Variants in AACS observed in about 807,000 individuals in gnomAD.
AACS encodes the protein acetoacetyl-CoA synthetase.
AACS carries 69 observed loss-of-function variants against 83.1 expected under a neutral mutation model. That is an observed-to-expected ratio of 0.83 (90% CI 0.68 to 1.01). The LOEUF (loss-of-function observed/expected upper bound fraction) is 1.01. Ranked by LOEUF, AACS falls within the 50% of genes least tolerant of loss-of-function variation. AACS has a pLI of 0.00. For synonymous variants in AACS, 333 were observed against 343.4 expected, an observed-to-expected ratio of 0.97 and a Z score of 0.33; for missense variants, 866 against 882.2, an observed-to-expected ratio of 0.98 and a Z score of 0.23.
intron 2 of AACS, among the ~76,000 whole-genome samples, chr12:125,074,659 A>T (rs1435801317): frequency 1.4e-5 from 2 of 140,640 alleles, no homozygotes; most frequent in Admixed American, 1.4e-4. Flanking sequence ...ACATTGTTGT[A>T]GTTTTTTTTT....
At chr12:125,071,045 TG>T (rs751498828) in intron 1 of AACS, among the ~76,000 whole-genome samples, 16 of 152,184 alleles carry the variant, frequency 1.1e-4, no homozygotes, top group Non-Finnish European at 1.5e-4. Flanking sequence ...AGTGGCTAGT[TG>T]GGTGGTTCTG....
At chr12:125,133,488 C>G (rs1253422030) in intron 14 of AACS, among the ~76,000 whole-genome samples, 1 of 152,226 alleles carries the variant, frequency 6.6e-6, no homozygotes, top group Non-Finnish European at 1.5e-5. Flanking sequence ...CTAATCGGCT[C>G]TCTGTCCATG....
Position 125,076,727 on chromosome 12 carries a change from T to C in AACS, c.358+116T>C, listed in dbSNP as rs1221292896. On this transcript the variant is annotated intron_variant, in intron 3 of 17. Transcript: ENST00000316519. Reference sequence around the variant, plus strand: ...TCTAAACCATATGTTGGCACCTTTCTGATGTAATTAAGATTTCTGTCGACT... The same window carrying C: ...TCTAAACCATATGTTGGCACCTTTCCGATGTAATTAAGATTTCTGTCGACT... The C allele has an allele frequency of 2.0e-6, 3 of 1,468,304 alleles. No individual in the cohort carries two copies. In the African/African-American group the frequency reaches 4.2e-5, roughly 21 times the overall value. The allele number at this position is 1,468,304 out of a possible 1,614,324, so 91.0% of individuals were successfully genotyped here.
chr12:125,100,008 CA>C (rs1956682585), intron 5 of AACS, among the ~76,000 whole-genome samples: 1 of 151,990 alleles, frequency 6.6e-6, no homozygotes, highest in Non-Finnish European at 1.5e-5. Context: ...CCAGATTTTT[CA>C]AGAAGCTTAC....
chr12:125,074,059 A>C (rs185070248), intron 2 of AACS, 80 bp downstream of exon 2: 7 of 1,174,496 alleles, frequency 6.0e-6, no homozygotes. Flanking sequence ...GGGAATACTG[A>C]ATTGTATCTC....
At chr12:125,121,141 A>G (rs1403044265) in intron 10 of AACS, 2 of 152,280 alleles carry the variant, frequency 1.3e-5, no homozygotes, top group African/African-American at 4.8e-5. Flanking sequence ...GGATGTGGCC[A>G]TCGCCCCGCC....
At chr12:125,073,566 A>G (rs568070962) in intron 1 of AACS, among the ~76,000 whole-genome samples, 10 of 152,306 alleles carry the variant, frequency 6.6e-5, no homozygotes, top group African/African-American at 2.2e-4. Flanking sequence ...CACAAAGCTA[A>G]TAAGTGGCAG....
At chr12:125,125,695 A>T (rs1167086124) in intron 12 of AACS, 3 of 152,316 alleles carry the variant, frequency 2.0e-5, no homozygotes, top group African/African-American at 7.2e-5. Flanking sequence ...TAAGTAAAAA[A>T]TAGACACTAC....
rs1331588216 is a variant in AACS, at chr12:125,129,348, G to T, written c.1437G>T (p.Trp479Cys). Reference sequence around the variant, plus strand: ...CTCCCATACCAGGAAAGGCGGTCTGGGGAGAGAGCGGCGAGCTGGTGTGTA... The same window carrying T: ...CTCCCATACCAGGAAAGGCGGTCTGTGGAGAGAGCGGCGAGCTGGTGTGTA... ...EAWNEEGKAV[W>C]GESGELVCTK... The change falls in exon 14 of 18, where the codon TGG becomes TGT. Residue 479 changes from tryptophan (W) to cysteine (C), a missense_variant. Coordinates refer to ENST00000316519, the MANE Select transcript of AACS (RefSeq NM_023928.5). The surrounding 1 kb of genome is among the most constrained non-coding windows in gnomAD (Gnocchi z 4.3). 6.2e-7 allele frequency: 1 copy of T among 1,613,420 alleles called. No individual in the cohort carries two copies. Among genetic ancestry groups the T allele is most frequent in the Non-Finnish European group, 8.5e-7 (1 of 1,179,834 alleles).
At chr12:125,104,843 T>G (rs1956797742) in intron 7 of AACS, among the ~76,000 whole-genome samples, 1 of 152,146 alleles carries the variant, frequency 6.6e-6, no homozygotes, top group Non-Finnish European at 1.5e-5. Context: ...TGAGACTGGG[T>G]AATTTATAAG....
In AACS at chr12:125,113,062, G is replaced by A. The variant is rs867961267; in HGVS notation, c.916-1415G>A. Among the ~76,000 whole-genome samples, 40 of 152,352 alleles carry A rather than the reference G, an allele frequency of 2.6e-4. No homozygotes were observed. The highest frequency in any genetic ancestry group is 1.0e-3 in the South Asian group (5 of 4,830). ...GCAGCGTCTGCCTGTCTGCCTGGCA[G>A]TCTCTGGAAGCTTCAGTTGCTGCTG... On this transcript the variant is annotated intron_variant, in intron 8 of 17. Transcript: ENST00000316519. This position sits in a 1 kb window ranked among gnomAD's most constrained non-coding sequence, Gnocchi z 4.8.
chr12:125,134,072 G>C lies in AACS; in HGVS notation c.1619G>C (p.Ser540Thr), dbSNP rs375138234. ...KTGGIVMLGR[S>T]DGTLNPNGVR... ...GGGGGCATCGTCATGCTTGGCCGGAGGTAAGGGCTGCAGAGTCGGCTTCTC... is the reference window on the plus strand; with the variant it reads ...GGGGGCATCGTCATGCTTGGCCGGACGTAAGGGCTGCAGAGTCGGCTTCTC... Residue 540 changes from serine to threonine, a missense_variant and splice_region_variant, in exon 15 of 18, where the codon AGT (serine) becomes ACT (threonine). Physicochemically the swap from Ser to Thr is moderately conservative, Grantham distance 58 (BLOSUM62 1). Transcript: ENST00000316519. The C allele has an allele frequency of 6.2e-7, 1 of 1,613,886 alleles. No individual in the cohort carries two copies. Among genetic ancestry groups the C allele is most frequent in the Admixed American group, 1.7e-5 (1 of 60,010 alleles).
chr12:125,122,752 G>GT (rs999774523), intron 10 of AACS: 3 of 152,294 alleles, frequency 2.0e-5, no homozygotes, highest in African/African-American at 7.2e-5. Context: ...CACAGGCGCA[G>GT]TGGCGACCCT....
intron 4 of AACS, among the ~76,000 whole-genome samples, chr12:125,090,471 A>G (rs1592960678): frequency 2.6e-5 from 4 of 151,978 alleles, no homozygotes; most frequent in East Asian, 1.9e-4. Flanking sequence ...CCAACTGTCT[A>G]TACATTCTTC....
chr12:125,142,278 T>C lies in AACS; in HGVS notation c.*49T>C, dbSNP rs746820901. 4 of 1,592,940 alleles carry C rather than the reference T, an allele frequency of 2.5e-6. No individual in the cohort carries two copies. Among genetic ancestry groups the C allele is most frequent in the Non-Finnish European group, 3.4e-6 (4 of 1,166,822 alleles). The stretch of plus-strand genomic sequence containing the variant: ...CAGCCGCACCCGTGTGCACTGTAAC[T>C]TTTGTGTGCTCAAGAAATTATACAG... On this transcript the variant is annotated 3_prime_UTR_variant, in exon 18 of 18. Coordinates refer to ENST00000316519, the MANE Select transcript of AACS (RefSeq NM_023928.5).
rs1957515530 is a variant in AACS, at chr12:125,142,454, G to A, written c.*225G>A. The A allele has an allele frequency of 2.0e-5, 12 of 596,084 alleles. No homozygotes were observed. In the South Asian group the frequency reaches 2.5e-4, roughly 13 times the overall value. 36.9% of individuals were successfully genotyped at this position (596,084 alleles called of 1,614,324 possible). A position where few individuals can be genotyped will look rare whatever the true frequency, so the allele number is the denominator to read the frequency against. On this transcript the variant is annotated 3_prime_UTR_variant, in exon 18 of 18. Transcript: ENST00000316519. The stretch of plus-strand genomic sequence containing the variant: ...TCAGAGACCAGGAGGGAGTGTCTGG[G>A]CCGCAGGTGTGGCACTGTGGTGAGA...
At chr12:125,091,383 A>G in intron 4 of AACS, 43 bp from the exon 5 acceptor site, 1 of 1,603,136 alleles carries the variant, frequency 6.2e-7, no homozygotes, top group Non-Finnish European at 8.5e-7. Context: ...GCTACCTCCC[A>G]TACACCCTGA....
Position 125,129,214 on chromosome 12 carries a change from CTG to C in AACS, c.1424-119_1424-118del, listed in dbSNP as rs1957290932. 2 of 1,400,618 alleles carry C rather than the reference CTG, an allele frequency of 1.4e-6. No homozygotes were observed. The highest frequency in any genetic ancestry group is 5.2e-5 in the East Asian group (2 of 38,402). The allele number at this position is 1,400,618 out of a possible 1,614,324, so 86.8% of individuals were successfully genotyped here. ...ACAGGTGTGTGGGCGTGGACCATCT[CTG>C]TACCTTTGTATATGTCTGGAATATT... On this transcript the variant is annotated intron_variant, in intron 13 of 17. Coordinates refer to ENST00000316519, the MANE Select transcript of AACS (RefSeq NM_023928.5). This position sits in a 1 kb window ranked among gnomAD's most constrained non-coding sequence, Gnocchi z 4.3.
intron 8 of AACS, among the ~76,000 whole-genome samples, chr12:125,108,172 T>C (rs1956873997): frequency 1.3e-5 from 2 of 152,178 alleles, no homozygotes; most frequent in Non-Finnish European, 2.9e-5. Flanking sequence ...AGGTTATTAT[T>C]AGAGTCTAAT....
Sources: allele counts gnomAD v4.1 joint callset (sites outside exome capture counted in the v4.1 genomes callset), GRCh38; gene constraint gnomAD v4.1.1; non-coding constraint Gnocchi (gnomAD v3.1); transcripts MANE v1.5; gene names NCBI Gene and HGNC (gene_info 2026-07-23, HGNC 2026-07-21).